The following ZNF385D variants were observed in gnomAD, a reference collection of about 807,000 sequenced individuals.
ZNF385D encodes the protein zinc finger protein 385D.
In ZNF385D, 15 loss-of-function variants were observed where a neutral mutation model predicts 35.8. The observed-to-expected ratio is 0.42, with a 90% CI of 0.28 to 0.64. The LOEUF (loss-of-function observed/expected upper bound fraction) is 0.64, where lower values mean the gene tolerates loss of function less well. Ranked by LOEUF, ZNF385D falls within the 30% of genes least tolerant of loss-of-function variation. ZNF385D has a pLI of 0.23. For missense variants in ZNF385D, 474 were observed against 494.6 expected (o/e 0.96, Z 0.39); for synonymous variants, 212 against 186.8 (o/e 1.13, Z -1.10).
Position 22,128,834 on chromosome 3 carries a change from A to C in ZNF385D, c.325+39983T>G, listed in dbSNP as rs141819291. ...CTTGGATATCACTGAGCTTCCTCAAAACAGCTATTTTGAATGCTGAAAGGT... is the reference window on the plus strand; with the variant it reads ...CTTGGATATCACTGAGCTTCCTCAACACAGCTATTTTGAATGCTGAAAGGT... On this transcript the variant is annotated intron_variant, in intron 3 of 5. Transcript: ENST00000494108. Among the ~76,000 whole-genome samples the C allele has an allele frequency of 8.4e-3, 1,276 of 152,258 alleles. 13 individuals carry two copies. Among genetic ancestry groups the C allele is most frequent in the Admixed American group, 0.014 (220 of 15,278 alleles).
At chr3:22,348,664 T>TAGAA (rs202171339) in intron 2 of ZNF385D, among the ~76,000 whole-genome samples, 6,332 of 110,382 alleles carry the variant, frequency 0.057, 521 homozygotes, top group African/African-American at 0.2. Context: ...CAAAACGCTG[T>TAGAA]AGAAAGAAAG....
At chr3:21,822,848 C>A (rs540392968) in intron 3 of ZNF385D, among the ~76,000 whole-genome samples, 3 of 151,946 alleles carry the variant, frequency 2.0e-5, no homozygotes, top group African/African-American at 4.8e-5. Flanking sequence ...TGGAATCTTA[C>A]TGTTATATAA....
chr3:21,628,740 G>T (rs534999717), intron 2 of ZNF385D, among the ~76,000 whole-genome samples: 6 of 152,196 alleles, frequency 3.9e-5, no homozygotes, highest in Non-Finnish European at 2.9e-5. Context: ...CAGGGAATCT[G>T]AATTGTGATA....
intron 3 of ZNF385D, among the ~76,000 whole-genome samples, chr3:22,163,610 A>G (rs1706114455): frequency 6.6e-6 from 1 of 152,214 alleles, no homozygotes; most frequent in South Asian, 2.1e-4. Context: ...TCAAATAATG[A>G]TATTTTACCT....
In ZNF385D at chr3:21,936,652, T is replaced by C. The variant is rs1010298670; in HGVS notation, c.325+232165A>G. 2.0e-5 allele frequency among the ~76,000 whole-genome samples: 3 copies of C among 152,116 alleles called. No homozygotes were observed. In the East Asian group the frequency reaches 5.8e-4, roughly 29 times the overall value. On this transcript the variant is annotated intron_variant, in intron 3 of 5. Coordinates refer to the ZNF385D transcript ENST00000494108. Reference sequence around the variant, plus strand: ...TTAAGTGAAGACATAAACTTCATCTTATTTTACAGCCATGTATACCCAGTT... The same window carrying C: ...TTAAGTGAAGACATAAACTTCATCTCATTTTACAGCCATGTATACCCAGTT...
intron 3 of ZNF385D, among the ~76,000 whole-genome samples, chr3:21,993,165 C>A (rs570784090): frequency 6.6e-6 from 1 of 152,272 alleles, no homozygotes; most frequent in South Asian, 2.1e-4. Flanking sequence ...CTATGGAAAA[C>A]AAAGCATGTG....
At chr3:21,618,776 C>T (rs2064920236) in intron 2 of ZNF385D, among the ~76,000 whole-genome samples, 1 of 151,996 alleles carries the variant, frequency 6.6e-6, no homozygotes, top group Non-Finnish European at 1.5e-5. Context: ...AGTAGTGAAA[C>T]CAAGGGCTAA....
In ZNF385D at chr3:21,646,093, G is replaced by T. The variant is rs1159950866; in HGVS notation, c.165+18793C>A. ...AGAATGTGGAGGCTGAGGCCAAAGT[G>T]TCAGATAAGTTTTTTTTAAAGAAAG... On this transcript the variant is annotated intron_variant, in intron 2 of 7. Coordinates refer to ENST00000281523, the MANE Select transcript of ZNF385D (RefSeq NM_024697.3). This position sits in a 1 kb window ranked among gnomAD's most constrained non-coding sequence, Gnocchi z 4.3. Among the ~76,000 whole-genome samples, 1 of 151,892 alleles carries T rather than the reference G, an allele frequency of 6.6e-6. No individual in the cohort carries two copies. The highest frequency in any genetic ancestry group is 1.5e-5 in the Non-Finnish European group (1 of 68,012).
At chr3:22,117,755 C>T (rs896984862) in intron 3 of ZNF385D, among the ~76,000 whole-genome samples, 1 of 151,768 alleles carries the variant, frequency 6.6e-6, no homozygotes, top group Non-Finnish European at 1.5e-5. Flanking sequence ...AAAGGATGTC[C>T]ATTATTCCCA....
In ZNF385D at chr3:21,771,571, A is replaced by C. The variant is rs1234662874; in HGVS notation, c.326-106543T>G. On this transcript the variant is annotated intron_variant, in intron 3 of 5. Transcript: ENST00000494108. ...AAAAACTTCAACACAATTACCTTAA[A>C]GATGCTCGAACAGTTGAAGAAAGAT... Among the ~76,000 whole-genome samples the C allele has an allele frequency of 2.0e-5, 3 of 152,022 alleles. No homozygotes were observed. The East Asian group carries it at 5.8e-4, about 30-fold the overall frequency.
chr3:22,168,869 T>G (rs1706507498), exon 3 of ZNF385D: 2 of 985,888 alleles, frequency 2.0e-6, no homozygotes, highest in Non-Finnish European at 1.2e-6. Flanking sequence ...TCTTTTGATG[T>G]GATTTGCCAT....
In ZNF385D at chr3:22,171,682, G is replaced by A. The variant is rs11927281; in HGVS notation, c.107-2647C>T. On this transcript the variant is annotated intron_variant, in intron 2 of 5. Coordinates refer to the ZNF385D transcript ENST00000494108. ...ACAAGGTCAGGAGATCGAGACCATC[G>A]TGGCTAACACAGTGAAATCCCGTCT... Among the ~76,000 whole-genome samples, 773 of 151,880 alleles carry A rather than the reference G, an allele frequency of 5.1e-3. 8 individuals are homozygous for A. Among genetic ancestry groups the A allele is most frequent in the African/African-American group, 0.018 (726 of 41,450 alleles).
chr3:21,548,327 T>G (rs2062451702), intron 3 of ZNF385D, among the ~76,000 whole-genome samples: 1 of 152,198 alleles, frequency 6.6e-6, no homozygotes. Flanking sequence ...TTTGAGTGCT[T>G]CTTTCATTTA....
intron 3 of ZNF385D, among the ~76,000 whole-genome samples, chr3:21,909,160 G>C (rs1396969356): frequency 6.6e-6 from 1 of 152,044 alleles, no homozygotes; most frequent in Non-Finnish European, 1.5e-5. Flanking sequence ...GAATGGTTGT[G>C]TCCTGTGAGA....
chr3:21,462,297 C>T (rs1459519921), intron 4 of ZNF385D, among the ~76,000 whole-genome samples: 1 of 151,966 alleles, frequency 6.6e-6, no homozygotes, highest in Non-Finnish European at 1.5e-5. Flanking sequence ...AATTTTGTCT[C>T]CAGAATTTAG....
intron 3 of ZNF385D, among the ~76,000 whole-genome samples, chr3:21,559,581 C>G (rs1174532875): frequency 1.3e-5 from 2 of 152,184 alleles, no homozygotes; most frequent in African/African-American, 4.8e-5. Flanking sequence ...TCCTCCCTGT[C>G]TGCCCTTCAC....
At chr3:22,039,330 A>C (rs969742493) in intron 3 of ZNF385D, among the ~76,000 whole-genome samples, 1 of 151,858 alleles carries the variant, frequency 6.6e-6, no homozygotes, top group African/African-American at 2.4e-5. Flanking sequence ...ATTCCCAGAA[A>C]ATGTCAACTT....
intron 4 of ZNF385D, among the ~76,000 whole-genome samples, chr3:21,498,028 C>G (rs1330146575): frequency 6.6e-6 from 1 of 151,962 alleles, no homozygotes; most frequent in East Asian, 1.9e-4. Flanking sequence ...GCACATAAAC[C>G]AATGAAACAG....
At chr3:22,335,854 T>C (rs1695137617) in intron 2 of ZNF385D, among the ~76,000 whole-genome samples, 1 of 152,148 alleles carries the variant, frequency 6.6e-6, no homozygotes, top group Admixed American at 6.5e-5. Context: ...CTATATGTGA[T>C]AGCCTTCGTA....
Sources: allele counts gnomAD v4.1 joint callset (sites outside exome capture counted in the v4.1 genomes callset), GRCh38; gene constraint gnomAD v4.1.1; non-coding constraint Gnocchi (gnomAD v3.1); transcripts MANE v1.5; gene names NCBI Gene and HGNC (gene_info 2026-07-23, HGNC 2026-07-21).